ADCY5: variants seen among roughly 807,000 people sequenced by gnomAD.
ADCY5 encodes the protein adenylate cyclase type 5.
A neutral mutation model predicts 119.7 loss-of-function variants in ADCY5; 30 were observed. That is an observed-to-expected ratio of 0.25 (90% confidence interval 0.19 to 0.34). The LOEUF is 0.34. Among genes scored for constraint, ADCY5 ranks in the 10% least tolerant of loss-of-function variants. ADCY5 has a pLI of 1.00. For missense variants in ADCY5, 1,324 were observed against 1,775.2 expected (o/e 0.75, Z 4.57); for synonymous variants, 753 against 762.2 (o/e 0.99, Z 0.20).
At chr3:123,291,029 G>T in intron 18 of ADCY5, 84 bp downstream of exon 18, 2 of 1,483,294 alleles carry the variant, frequency 1.3e-6, no homozygotes, top group Admixed American at 2.3e-5. Flanking sequence ...AGAAGGGGGC[G>T]CCAGGTCTCT....
At chr3:123,289,036 T>C (rs1405156855) in intron 19 of ADCY5, among the ~76,000 whole-genome samples, 1 of 152,218 alleles carries the variant, frequency 6.6e-6, no homozygotes, top group Non-Finnish European at 1.5e-5. Context: ...CACTGACCCA[T>C]TTCATAACTT....
At chr3:123,394,558 C>G (rs914353225) in intron 1 of ADCY5, among the ~76,000 whole-genome samples, 1 of 152,096 alleles carries the variant, frequency 6.6e-6, no homozygotes, top group Non-Finnish European at 1.5e-5. Context: ...TTGTTAAGCT[C>G]GTGCAGTTTA....
chr3:123,311,715 C>G (rs1241298111), intron 12 of ADCY5, among the ~76,000 whole-genome samples: 1 of 152,060 alleles, frequency 6.6e-6, no homozygotes, highest in Admixed American at 6.5e-5. Flanking sequence ...GTTTCATAAG[C>G]CACTAAAATT....
At position 123,444,615 on chromosome 3, in the gene ADCY5, C is replaced by T. The variant is rs146398087; in HGVS notation, c.1134+2797G>A. Among the ~76,000 whole-genome samples the T allele has an allele frequency of 1.1e-4, 16 of 152,290 alleles. No homozygotes were observed. The East Asian group carries it at 3.1e-3, about 29-fold the overall frequency. On this transcript the variant is annotated intron_variant, in intron 1 of 20. Coordinates refer to ENST00000462833, the MANE Select transcript of ADCY5 (RefSeq NM_183357.3). ...GAGCCACTGGTTAAGAAACCAAATG[C>T]TTCTCCTAATTGGAGCCAAGGGCAG...
intron 1 of ADCY5, among the ~76,000 whole-genome samples, chr3:123,411,571 C>T (rs1385643535): frequency 6.6e-6 from 1 of 152,192 alleles, no homozygotes. Context: ...CTATCTTTCT[C>T]CTTCCCCTGC....
At chr3:123,379,953 C>T (rs914084740) in intron 1 of ADCY5, among the ~76,000 whole-genome samples, 16 of 152,128 alleles carry the variant, frequency 1.1e-4, no homozygotes, top group Non-Finnish European at 1.8e-4. Context: ...CCCAAGGAGA[C>T]GCAGATAAAA....
At chr3:123,397,169 T>G (rs1176329739) in intron 1 of ADCY5, among the ~76,000 whole-genome samples, 1 of 152,226 alleles carries the variant, frequency 6.6e-6, no homozygotes, top group Non-Finnish European at 1.5e-5. Flanking sequence ...AGCACTTGCC[T>G]CTGTGCCTCC....
intron 1 of ADCY5, among the ~76,000 whole-genome samples, chr3:123,410,722 A>C (rs1437571820): frequency 6.6e-6 from 1 of 152,042 alleles, no homozygotes. Flanking sequence ...ATCATAGCTT[A>C]CTGCAGCCTC....
chr3:123,439,876 G>C (rs1424437898), intron 1 of ADCY5, among the ~76,000 whole-genome samples: 1 of 152,174 alleles, frequency 6.6e-6, no homozygotes, highest in Non-Finnish European at 1.5e-5. Flanking sequence ...CTTAATGATG[G>C]TTTTCAAATC....
chr3:123,346,677 T>G (rs1193130543), intron 3 of ADCY5, among the ~76,000 whole-genome samples: 2 of 142,074 alleles, frequency 1.4e-5, no homozygotes, highest in African/African-American at 4.9e-5. Context: ...GAGAGAGAGA[T>G]AATTTGCACT....
chr3:123,290,469 G>A (rs1035417236), intron 18 of ADCY5, among the ~76,000 whole-genome samples: 2 of 152,152 alleles, frequency 1.3e-5, no homozygotes, highest in Admixed American at 6.5e-5. Context: ...GCCCAGGCCC[G>A]GCGTGCCCGC....
intron 1 of ADCY5, among the ~76,000 whole-genome samples, chr3:123,406,228 A>G (rs1438940780): frequency 1.3e-5 from 2 of 152,040 alleles, no homozygotes; most frequent in African/African-American, 4.8e-5. Context: ...CAAACTGCCA[A>G]TCCTAAACCT....
chr3:123,380,521 G>C (rs56712020), intron 1 of ADCY5, among the ~76,000 whole-genome samples: 1 of 151,966 alleles, frequency 6.6e-6, no homozygotes, highest in African/African-American at 2.4e-5. Context: ...TGCCCGGCAG[G>C]GCCACCCTCC....
chr3:123,337,243 T>C (rs1356345046), intron 3 of ADCY5, among the ~76,000 whole-genome samples: 2 of 152,190 alleles, frequency 1.3e-5, no homozygotes, highest in African/African-American at 2.4e-5. Context: ...ATCTACTTGA[T>C]TCACGGCTAC....
At chr3:123,386,497 A>C (rs373682288) in intron 1 of ADCY5, among the ~76,000 whole-genome samples, 1 of 152,214 alleles carries the variant, frequency 6.6e-6, no homozygotes, top group Non-Finnish European at 1.5e-5. Context: ...ACATGTTTCA[A>C]TTTGCTCAGC....
Position 123,419,239 on chromosome 3 carries a change from G to A in ADCY5, c.1134+28173C>T, listed in dbSNP as rs1047873873. The A allele has an allele frequency of 6.1e-6, 6 of 984,928 alleles. No individual in the cohort carries two copies. In the African/African-American group the frequency reaches 1.1e-4, roughly 17 times the overall value. 61.0% of individuals were successfully genotyped at this position (984,928 alleles called of 1,614,324 possible). On this transcript the variant is annotated intron_variant, in intron 1 of 20. Coordinates refer to ENST00000462833, the MANE Select transcript of ADCY5 (RefSeq NM_183357.3). Reference sequence around the variant, plus strand: ...AGCACACAGTCAGGTGGCACTCAAGGCCCTCCCCTCCACGCGCCCCCACAG... The same window carrying A: ...AGCACACAGTCAGGTGGCACTCAAGACCCTCCCCTCCACGCGCCCCCACAG...
intron 12 of ADCY5, among the ~76,000 whole-genome samples, chr3:123,311,488 A>C (rs1410624688): frequency 2.0e-5 from 3 of 152,198 alleles, no homozygotes; most frequent in Non-Finnish European, 4.4e-5. Context: ...AAGCTGTTTA[A>C]CCCACAACAT....
chr3:123,448,408 G>A lies in ADCY5; in HGVS notation c.138C>T (p.Pro46=), dbSNP rs1263344673. 7.8e-6 allele frequency: 11 copies of A among 1,405,670 alleles called. No homozygotes were observed. Among genetic ancestry groups the A allele is most frequent in the South Asian group, 7.3e-5 (5 of 68,198 alleles). 87.1% of individuals were successfully genotyped at this position (1,405,670 alleles called of 1,614,324 possible). A position where few individuals can be genotyped will look rare whatever the true frequency, so the allele number is the denominator to read the frequency against. The change falls in exon 1 of 21, where the codon CCC becomes CCT. Residue 46 remains proline, a synonymous_variant. Coordinates refer to ENST00000462833, the MANE Select transcript of ADCY5 (RefSeq NM_183357.3). ...DSRANGYPHA[P]GGSARGSTKK... ...TGGTGGAGCCGCGGGCAGAGCCCCC[G>A]GGGGCATGGGGGTAGCCATTCGCGC...
At position 123,328,787 on chromosome 3, in the gene ADCY5, C is replaced by T. The variant is rs1432327957; in HGVS notation, c.1662G>A (p.Val554=). ...CACGCATGTTCACGTTCACCCCTGT[C>T]ACCTCCCGGACCAACCTGGGGATGG... is the stretch of plus-strand genomic sequence containing the variant. ...MIEAISLVRE[V]TGVNVNMRVG... is the part of the protein sequence containing the mutation. Residue 554 remains valine, a synonymous_variant, in exon 6 of 21, where the codon GTG becomes GTA. Transcript: ENST00000462833. The T allele has an allele frequency of 1.2e-5, 20 of 1,614,098 alleles. No homozygotes were observed. The highest frequency in any genetic ancestry group is 1.6e-5 in the Non-Finnish European group (19 of 1,180,036).
Sources: gnomAD v4.1 joint callset for allele counts (sites outside exome capture counted in the v4.1 genomes callset) on GRCh38, gnomAD v4.1.1 for gene constraint, MANE v1.5 for transcripts, NCBI Gene and HGNC (gene_info 2026-07-23, HGNC 2026-07-21) for gene names.